Variants in SARS1 observed in about 807,000 individuals in gnomAD.
SARS1 encodes seryl-tRNA synthetase 1.
Under a neutral mutation model 63.7 loss-of-function variants are expected in SARS1, and 25 were observed. The ratio of observed to expected loss-of-function variants is 0.39; its 90% CI spans 0.29 to 0.55. The LOEUF (loss-of-function observed/expected upper bound fraction) is 0.55, where lower values mean the gene tolerates loss of function less well. Among genes scored for constraint, SARS1 ranks in the 20% least tolerant of loss-of-function variants. The pLI, the probability that SARS1 is intolerant of heterozygous loss-of-function variation, is 0.62. For missense variants in SARS1, 417 were observed against 649.7 expected, an observed-to-expected ratio of 0.64 and a Z score of 3.89; for synonymous variants, 231 against 243.5, an observed-to-expected ratio of 0.95 and a Z score of 0.48.
chr1:109,223,571 C>T (rs1405716693), intron 1 of SARS1, among the ~76,000 whole-genome samples: 1 of 152,148 alleles, frequency 6.6e-6, no homozygotes, highest in African/African-American at 2.4e-5. Flanking sequence ...CCTGTAATCC[C>T]AGCACTTTGG....
At chr1:109,230,216 G>A (rs1007469749) in intron 4 of SARS1, among the ~76,000 whole-genome samples, 11 of 151,960 alleles carry the variant, frequency 7.2e-5, no homozygotes, top group South Asian at 2.1e-4. Context: ...AGGCAATGTC[G>A]ATTGTCTGGG....
chr1:109,229,600 T>C, intron 4 of SARS1, 28 bp downstream of exon 4: 2 of 1,602,014 alleles, frequency 1.2e-6, no homozygotes, highest in Non-Finnish European at 1.7e-6. Flanking sequence ...AGCAGGAGGC[T>C]GCCTTAGGTC....
chr1:109,237,187 C>A lies in SARS1; in HGVS notation c.1258-57C>A, dbSNP rs1178534678. The A allele has an allele frequency of 4.5e-6, 7 of 1,568,370 alleles. No homozygotes were observed. The highest frequency in any genetic ancestry group is 6.0e-6 in the Non-Finnish European group (7 of 1,160,984). On this transcript the variant is annotated intron_variant, in intron 9 of 10. Coordinates refer to ENST00000234677, the MANE Select transcript of SARS1 (RefSeq NM_006513.4). This position sits in a 1 kb window ranked among gnomAD's most constrained non-coding sequence, Gnocchi z 4.1. The stretch of plus-strand genomic sequence containing the variant: ...GGTTGAATGGATGGTTCCTGGCCGT[C>A]AGTAAGACCCGATGAGAGTTGAGCC...
chr1:109,233,188 C>G (rs1466411636), intron 6 of SARS1, among the ~76,000 whole-genome samples: 1 of 151,332 alleles, frequency 6.6e-6, no homozygotes, highest in Non-Finnish European at 1.5e-5. Flanking sequence ...AATTAATTTC[C>G]TATGTAGAGA....
chr1:109,225,727 A>G (rs902203371), intron 2 of SARS1, among the ~76,000 whole-genome samples: 3 of 152,172 alleles, frequency 2.0e-5, no homozygotes, highest in African/African-American at 7.2e-5. Context: ...AGCCCTATTT[A>G]ATGGGTAAGG....
chr1:109,221,968 G>A (rs1488351935), intron 1 of SARS1, among the ~76,000 whole-genome samples: 3 of 9,476 alleles, frequency 3.2e-4, no homozygotes, highest in Admixed American at 2.0e-3. Flanking sequence ...TTTTGTGTGT[G>A]TGTATATATA....
Position 109,231,677 on chromosome 1 carries a change from G to A in SARS1, c.638G>A (p.Arg213His), listed in dbSNP as rs539161490. ...CAGGCTCTCATCCAGTATGCCCTTC[G>A]CACCTTGGGAAGTCGGGGCTACATT... is the stretch of plus-strand genomic sequence containing the variant. ...LEQALIQYAL[R>H]TLGSRGYIPI... is the part of the protein sequence containing the mutation. Residue 213 changes from arginine to histidine, a missense_variant, in exon 6 of 11, where the codon CGC becomes CAC. Physicochemically the swap from Arg to His is conservative, Grantham distance 29 (BLOSUM62 0). Around this residue, in one of 3 missense-constraint regions of SARS1, gnomAD observed 359 missense variants for 529.6 expected, o/e 0.68. Coordinates refer to ENST00000234677, the MANE Select transcript of SARS1 (RefSeq NM_006513.4). The A allele has an allele frequency of 3.8e-6, 6 of 1,587,862 alleles. No individual in the cohort carries two copies. The highest frequency in any genetic ancestry group is 4.7e-5 in the East Asian group (2 of 42,198).
rs558790737 is a variant in SARS1 at position 109,231,680 on chromosome 1, C to T, written c.641C>T (p.Thr214Ile). 15 of 1,591,128 alleles carry T rather than the reference C, an allele frequency of 9.4e-6. No individual in the cohort carries two copies. The highest frequency in any genetic ancestry group is 2.4e-5 in the East Asian group (1 of 42,320). Residue 214 changes from threonine to isoleucine, a missense_variant, in exon 6 of 11, where the codon ACC (threonine) becomes ATC (isoleucine). Physicochemically the swap from Thr to Ile is moderately conservative, Grantham distance 89. Transcript: ENST00000234677. Reference sequence around the variant, plus strand: ...GCTCTCATCCAGTATGCCCTTCGCACCTTGGGAAGTCGGGGCTACATTCCC... The same window carrying T: ...GCTCTCATCCAGTATGCCCTTCGCATCTTGGGAAGTCGGGGCTACATTCCC... ...EQALIQYALRTLGSRGYIPIY... is the reference protein window; with the variant it reads ...EQALIQYALRILGSRGYIPIY...
At position 109,214,558 on chromosome 1, in the gene SARS1, T is replaced by G; in HGVS notation, c.136+430T>G. The G allele has an allele frequency of 1.0e-6, 1 of 991,964 alleles. No homozygotes were observed. The highest frequency in any genetic ancestry group is 1.2e-6 in the Non-Finnish European group (1 of 833,656). 61.4% of individuals were successfully genotyped at this position (991,964 alleles called of 1,614,324 possible). ...CTTTGTTTTGATAGGATCAAAGGCT[T>G]CTCCTGAGACTGCGTCACTTCTGCA... On this transcript the variant is annotated intron_variant, in intron 1 of 10. Coordinates refer to ENST00000234677, the MANE Select transcript of SARS1 (RefSeq NM_006513.4). This position sits in a 1 kb window ranked among gnomAD's most constrained non-coding sequence, Gnocchi z 4.6.
chr1:109,232,658 C>G (rs1557719093), intron 6 of SARS1, among the ~76,000 whole-genome samples: 1 of 152,212 alleles, frequency 6.6e-6, no homozygotes, highest in Non-Finnish European at 1.5e-5. Context: ...AGTGCTCTCC[C>G]TAAACCCTGA....
chr1:109,227,917 CAAAAA>C (rs5776968), intron 2 of SARS1, among the ~76,000 whole-genome samples: 1 of 121,886 alleles, frequency 8.2e-6, no homozygotes, highest in African/African-American at 3.2e-5. Context: ...GAGACTCCGT[CAAAAA>C]AAAAAAAAAA....
intron 2 of SARS1, among the ~76,000 whole-genome samples, chr1:109,227,036 C>T (rs1338385545): frequency 2.0e-5 from 3 of 147,084 alleles, no homozygotes; most frequent in Non-Finnish European, 4.5e-5. Flanking sequence ...TACTCTGTCA[C>T]CCAGGCTGGA....
At chr1:109,215,675 C>T in intron 1 of SARS1, 1 of 943,062 alleles carries the variant, frequency 1.1e-6, no homozygotes, top group Non-Finnish European at 1.3e-6. Context: ...AAAACTTAAT[C>T]CTAAATGTGA....
intron 1 of SARS1, among the ~76,000 whole-genome samples, 162 bp from the exon 2 acceptor site, chr1:109,223,816 A>G (rs1474704458): frequency 6.6e-6 from 1 of 152,264 alleles, no homozygotes; most frequent in East Asian, 1.9e-4. Context: ...AAAAATAAAA[A>G]TAAAAAGCTG....
chr1:109,237,195 C>T lies in SARS1; in HGVS notation c.1258-49C>T, dbSNP rs1655329046. On this transcript the variant is annotated intron_variant, in intron 9 of 10. Transcript: ENST00000234677. This position sits in a 1 kb window ranked among gnomAD's most constrained non-coding sequence, Gnocchi z 4.1. ...GGATGGTTCCTGGCCGTCAGTAAGA[C>T]CCGATGAGAGTTGAGCCCGACTTCC... The T allele has an allele frequency of 2.3e-5, 36 of 1,582,662 alleles. No individual in the cohort carries two copies. Among genetic ancestry groups the T allele is most frequent in the Non-Finnish European group, 2.8e-5 (33 of 1,167,126 alleles).
rs1366634161 is a variant in SARS1, at chr1:109,236,304, G to T, written c.1100-87G>T. 5 of 1,407,902 alleles carry T rather than the reference G, an allele frequency of 3.6e-6. No homozygotes were observed. The East Asian group carries it at 1.2e-4, about 32-fold the overall frequency. 87.2% of individuals were successfully genotyped at this position (1,407,902 alleles called of 1,614,324 possible). On this transcript the variant is annotated intron_variant, in intron 8 of 10. Coordinates refer to ENST00000234677, the MANE Select transcript of SARS1 (RefSeq NM_006513.4). The stretch of plus-strand genomic sequence containing the variant: ...GATTTCACCTCTGGAGACAGGACAT[G>T]AATTAAAGAATTCTTCAGGCTTGCT...
intron 2 of SARS1, among the ~76,000 whole-genome samples, chr1:109,227,064 C>G (rs2101195518): frequency 6.8e-6 from 1 of 146,332 alleles, no homozygotes; most frequent in African/African-American, 2.5e-5. Flanking sequence ...GGTGTGATCT[C>G]AGCTCACTGC....
At chr1:109,216,342 G>C (rs1654786011) in intron 1 of SARS1, 7 of 985,328 alleles carry the variant, frequency 7.1e-6, no homozygotes, top group Non-Finnish European at 8.4e-6. Context: ...GTACCACTAG[G>C]GTTCCTTTGG....
chr1:109,221,042 C>T (rs1450698409), intron 1 of SARS1, among the ~76,000 whole-genome samples: 7 of 150,346 alleles, frequency 4.7e-5, no homozygotes, highest in African/African-American at 1.5e-4. Flanking sequence ...AAACCCATAG[C>T]TAATTTTTCT....
Sources: allele counts gnomAD v4.1 joint callset (sites outside exome capture counted in the v4.1 genomes callset), GRCh38; gene constraint gnomAD v4.1.1; regional missense constraint gnomAD v4.1.1; non-coding constraint Gnocchi (gnomAD v3.1); transcripts MANE v1.5; gene names NCBI Gene and HGNC (gene_info 2026-07-23, HGNC 2026-07-21).